The following SULF2 variants were observed in gnomAD, a reference collection of about 807,000 sequenced individuals.
SULF2 encodes the protein extracellular sulfatase Sulf-2.
SULF2 carries 52 observed loss-of-function variants against 107.7 expected under a neutral mutation model. That is an observed-to-expected ratio of 0.48 (90% CI 0.39 to 0.61). The LOEUF (loss-of-function observed/expected upper bound fraction) is 0.61. SULF2 is among the 20% of genes least tolerant of loss of function. The pLI is 0.00. For missense variants in SULF2, 993 were observed against 1,177.3 expected (o/e 0.84, Z 2.29); for synonymous variants, 460 against 464.3 (o/e 0.99, Z 0.12).
chr20:47,779,035 T>A (rs542338609), intron 1 of SULF2, among the ~76,000 whole-genome samples: 54 of 152,254 alleles, frequency 3.5e-4, no homozygotes, highest in African/African-American at 1.3e-3. Flanking sequence ...AAACCCAACA[T>A]TTCCACGTCG....
intron 11 of SULF2, among the ~76,000 whole-genome samples, chr20:47,670,418 C>G (rs899243639): frequency 6.6e-6 from 1 of 151,598 alleles, no homozygotes; most frequent in Non-Finnish European, 1.5e-5. Flanking sequence ...TCTCGAACTT[C>G]TGAGCTCAGG....
intron 10 of SULF2, among the ~76,000 whole-genome samples, chr20:47,675,360 C>T (rs191493643): frequency 3.2e-4 from 49 of 152,240 alleles, no homozygotes; most frequent in Admixed American, 9.8e-4. Flanking sequence ...AGCGGGGGGA[C>T]GCATTCATGC....
At chr20:47,748,412 C>A (rs1365554068) in intron 2 of SULF2, among the ~76,000 whole-genome samples, 1 of 152,256 alleles carries the variant, frequency 6.6e-6, no homozygotes, top group African/African-American at 2.4e-5. Context: ...GACCCTTGCT[C>A]CTGATCTCTG....
chr20:47,679,319 G>A (rs1326750061), intron 7 of SULF2, among the ~76,000 whole-genome samples: 1 of 152,088 alleles, frequency 6.6e-6, no homozygotes, highest in East Asian at 1.9e-4. Flanking sequence ...GACCAAGGAG[G>A]CCCGTGACAG....
intron 1 of SULF2, among the ~76,000 whole-genome samples, chr20:47,780,017 T>C (rs59279013): frequency 0.019 from 2,442 of 127,500 alleles, 82 homozygotes; most frequent in African/African-American, 0.068. Flanking sequence ...CTAGTTGACT[T>C]TTTTTTTTTT....
chr20:47,737,079 C>T lies in SULF2; in HGVS notation c.176-137G>A, dbSNP rs1054007805. ...ACCTACGGGGCAGACGGGGCAGGGG[C>T]CACTGCTGCACGGTGGGACTGTCCT... On this transcript the variant is annotated intron_variant, in intron 2 of 20. Transcript: ENST00000688720. 6.9e-6 allele frequency: 9 copies of T among 1,295,628 alleles called. No homozygotes were observed. In the African/African-American group the frequency reaches 1.2e-4, roughly 17 times the overall value. 80.3% of individuals were successfully genotyped at this position (1,295,628 alleles called of 1,614,324 possible).
Position 47,666,387 on chromosome 20 carries a change from G to C in SULF2, c.1678C>G (p.Arg560Gly). The C allele has an allele frequency of 6.2e-7, 1 of 1,614,054 alleles. No individual in the cohort carries two copies. The highest frequency in any genetic ancestry group is 8.5e-7 in the Non-Finnish European group (1 of 1,180,048). ...GGCCAGTGCCGCTTGGTGAGGTTTC[G>C]GGGCTGGGCGGCATCACCCAGGCCT... is the stretch of plus-strand genomic sequence containing the variant. ...HVGLGDAAQP[R>G]NLTKRHWPGA... is the part of the protein sequence containing the mutation. The change falls in exon 12 of 21, where the codon CGA becomes GGA. Residue 560 changes from arginine to glycine, a missense_variant. By Grantham distance (125) the Arg-to-Gly change is moderately radical. This residue lies in a region of SULF2 where 497 missense variants were observed against 544.1 expected (regional missense o/e 0.91). Coordinates refer to ENST00000688720, the MANE Select transcript of SULF2 (RefSeq NM_001387048.1). The surrounding 1 kb of genome is among the most constrained non-coding windows in gnomAD (Gnocchi z 5.4).
At chr20:47,663,015 C>G in intron 17 of SULF2, 55 bp downstream of exon 17, 1 of 1,603,282 alleles carries the variant, frequency 6.2e-7, no homozygotes, top group Non-Finnish European at 8.5e-7. Context: ...GGGGGCCTAC[C>G]TGGCAGCACT....
chr20:47,713,440 A>G (rs767004191), intron 3 of SULF2, among the ~76,000 whole-genome samples: 19 of 152,190 alleles, frequency 1.2e-4, no homozygotes, highest in Non-Finnish European at 2.2e-4. Flanking sequence ...CAAATGTACC[A>G]TTAACGACAG....
intron 2 of SULF2, among the ~76,000 whole-genome samples, chr20:47,738,955 TGGAGAAGACGCACAGGCACAGAGG>T (rs2089812691): frequency 1.3e-5 from 2 of 152,170 alleles, no homozygotes; most frequent in South Asian, 4.2e-4. Flanking sequence ...GGACACAAAG[TGGAGAAGACGCACAGGCACAGAGG>T]GGAAGGCCAC....
At chr20:47,741,669 C>A (rs1006054568) in intron 2 of SULF2, among the ~76,000 whole-genome samples, 1 of 152,184 alleles carries the variant, frequency 6.6e-6, no homozygotes, top group Non-Finnish European at 1.5e-5. Flanking sequence ...CAAGTGGAAT[C>A]GATCCTTTGC....
chr20:47,773,138 TATCCA>T (rs1225696464), intron 1 of SULF2, among the ~76,000 whole-genome samples: 1 of 152,210 alleles, frequency 6.6e-6, no homozygotes, highest in African/African-American at 2.4e-5. Context: ...TCTTCCAAGC[TATCCA>T]ATCTTTCCTG....
intron 4 of SULF2, among the ~76,000 whole-genome samples, chr20:47,692,313 A>G (rs2088224386): frequency 6.6e-6 from 1 of 152,234 alleles, no homozygotes; most frequent in Non-Finnish European, 1.5e-5. Context: ...CACTATATCC[A>G]TATGCACAAG....
intron 1 of SULF2, among the ~76,000 whole-genome samples, chr20:47,774,833 T>G (rs550739648): frequency 5.9e-4 from 90 of 152,262 alleles, no homozygotes; most frequent in African/African-American, 2.1e-3. Context: ...CCAAGGTCAA[T>G]CAGACTTTCT....
At chr20:47,664,237 C>T (rs1602582990) in intron 14 of SULF2, 48 bp from the exon 15 acceptor site, 2 of 1,574,082 alleles carry the variant, frequency 1.3e-6, no homozygotes, top group Non-Finnish European at 1.7e-6. Context: ...GCTCAGAGGG[C>T]TCCGCTGGCA....
At chr20:47,681,881 C>T (rs1465638803) in intron 7 of SULF2, among the ~76,000 whole-genome samples, 3 of 152,182 alleles carry the variant, frequency 2.0e-5, no homozygotes, top group African/African-American at 7.2e-5. Context: ...GGCAGGGTTT[C>T]ACCATGTTGG....
intron 7 of SULF2, among the ~76,000 whole-genome samples, chr20:47,681,755 G>A (rs1295473003): frequency 2.0e-5 from 3 of 152,090 alleles, no homozygotes; most frequent in Non-Finnish European, 2.9e-5. Flanking sequence ...GCATGATCTC[G>A]GCTCACTGCA....
chr20:47,745,660 C>A (rs2090019520), intron 2 of SULF2, among the ~76,000 whole-genome samples: 1 of 151,634 alleles, frequency 6.6e-6, no homozygotes, highest in Admixed American at 6.6e-5. Flanking sequence ...TCCTGAGTAG[C>A]TGGGATTACA....
In SULF2 at chr20:47,702,683, A is replaced by T; in HGVS notation, c.416-13T>A. ...TTCCCGAAGAAAGCTGCGGAGGGAG[A>T]TGGATCAGGAGGCCACGTGAGAAAG... On this transcript the variant is annotated splice_polypyrimidine_tract_variant and intron_variant, in intron 3 of 20. Coordinates refer to ENST00000688720, the MANE Select transcript of SULF2 (RefSeq NM_001387048.1). The T allele has an allele frequency of 6.2e-7, 1 of 1,613,262 alleles. No homozygotes were observed. The highest frequency in any genetic ancestry group is 8.5e-7 in the Non-Finnish European group (1 of 1,179,844).
Sources: gnomAD v4.1 joint callset for allele counts (sites outside exome capture counted in the v4.1 genomes callset) on GRCh38, gnomAD v4.1.1 for gene constraint, gnomAD v4.1.1 regional missense constraint, Gnocchi (gnomAD v3.1) non-coding constraint, MANE v1.5 for transcripts, NCBI Gene and HGNC (gene_info 2026-07-23, HGNC 2026-07-21) for gene names.